Variants in ARHGEF26 observed in about 807,000 individuals in gnomAD.
ARHGEF26 encodes the protein Rho guanine nucleotide exchange factor (GEF) 26.
In ARHGEF26, 59 loss-of-function variants were observed where a neutral mutation model predicts 89.4. That is an observed-to-expected ratio of 0.66 (90% CI 0.54 to 0.82). The LOEUF is 0.82. Among genes scored for constraint, ARHGEF26 ranks in the 40% least tolerant of loss-of-function variants. The pLI, the probability that ARHGEF26 is intolerant of heterozygous loss-of-function variation, is 0.00. For synonymous variants in ARHGEF26, 500 were observed against 428.4 expected (o/e 1.17, Z -2.06); for missense variants, 1,234 against 1,085.6 (o/e 1.14, Z -1.92).
At chr3:154,208,445 G>A (rs748263263) in intron 9 of ARHGEF26, among the ~76,000 whole-genome samples, 2 of 152,052 alleles carry the variant, frequency 1.3e-5, no homozygotes, top group Non-Finnish European at 2.9e-5. Context: ...TTTGCTTGGC[G>A]TTCTGTAACC....
intron 6 of ARHGEF26, among the ~76,000 whole-genome samples, chr3:154,161,155 C>T (rs1711641217): frequency 6.6e-6 from 1 of 150,462 alleles, no homozygotes; most frequent in South Asian, 2.1e-4. Flanking sequence ...TACACTTTGT[C>T]CCTTTTCTGT....
intron 9 of ARHGEF26, among the ~76,000 whole-genome samples, chr3:154,213,811 T>G (rs1171066337): frequency 6.6e-6 from 1 of 152,162 alleles, no homozygotes; most frequent in African/African-American, 2.4e-5. Flanking sequence ...AATTGTTTCT[T>G]TTTTTTAAAA....
rs910802075 is a variant in ARHGEF26 at position 154,256,950 on chromosome 3, A to G, written c.*1477A>G. The stretch of plus-strand genomic sequence containing the variant: ...GATTAAGAGGGGGGAAATGATTTTT[A>G]CTGGCAGCTATATTCCCTCTCTGTT... On this transcript the variant is annotated 3_prime_UTR_variant, in exon 15 of 15. Coordinates refer to ENST00000465093, the MANE Select transcript of ARHGEF26 (RefSeq NM_015595.4). The G allele has an allele frequency of 6.5e-7, 1 of 1,533,534 alleles. No homozygotes were observed. Among genetic ancestry groups the G allele is most frequent in the East Asian group, 2.5e-5 (1 of 40,810 alleles). The allele number at this position is 1,533,534 out of a possible 1,614,324, so 95.0% of individuals were successfully genotyped here.
chr3:154,180,720 CTTA>C (rs1430968739), intron 6 of ARHGEF26, among the ~76,000 whole-genome samples: 3 of 45,854 alleles, frequency 6.5e-5, no homozygotes, highest in Admixed American at 2.5e-4. Context: ...TTCTTATCCT[CTTA>C]TTATCAATCC....
At chr3:154,186,698 G>A (rs565620688) in intron 6 of ARHGEF26, among the ~76,000 whole-genome samples, 189 of 151,940 alleles carry the variant, frequency 1.2e-3, no homozygotes, top group Non-Finnish European at 2.2e-3. Flanking sequence ...GGAGGCAGAA[G>A]TTGCAGTGAG....
chr3:154,130,241 T>C (rs1713854), intron 4 of ARHGEF26, among the ~76,000 whole-genome samples: 136,369 of 149,990 alleles, frequency 0.91, 62,216 homozygotes, highest in East Asian at 1. Flanking sequence ...CCCAGGTTCA[T>C]GTGATTCTCC....
In ARHGEF26 at chr3:154,196,917, A is replaced by C. The variant is rs1249323139; in HGVS notation, c.1845+2199A>C. ...AAAAAAGAATTTGCACAGAGAAAAA[A>C]ATAGGAAGGTACTAGTAGTTGGTTG... On this transcript the variant is annotated intron_variant, in intron 9 of 14. Transcript: ENST00000465093. Among the ~76,000 whole-genome samples, 3 of 152,164 alleles carry C rather than the reference A, an allele frequency of 2.0e-5. No homozygotes were observed. In the East Asian group the frequency reaches 5.8e-4, roughly 29 times the overall value.
chr3:154,168,853 T>G (rs924389853), intron 6 of ARHGEF26, among the ~76,000 whole-genome samples: 4 of 152,088 alleles, frequency 2.6e-5, no homozygotes, highest in Non-Finnish European at 5.9e-5. Flanking sequence ...AAGTTTAAAT[T>G]TAAGCTCCTG....
intron 4 of ARHGEF26, 92 bp from the exon 5 acceptor site, chr3:154,149,297 T>G: frequency 1.2e-6 from 1 of 859,734 alleles, no homozygotes; most frequent in Non-Finnish European, 1.7e-6. Context: ...CTAATTCATT[T>G]TTGAAGGGCA....
At chr3:154,186,841 T>G (rs1713582521) in intron 6 of ARHGEF26, among the ~76,000 whole-genome samples, 1 of 151,796 alleles carries the variant, frequency 6.6e-6, no homozygotes, top group Admixed American at 6.6e-5. Context: ...AATGTGATTG[T>G]TTTTATTTTG....
intron 9 of ARHGEF26, among the ~76,000 whole-genome samples, chr3:154,216,492 A>ATTTTTTTATTTTTTTTTTTTTTTTTT (rs1715740411): frequency 7.8e-6 from 1 of 129,012 alleles, no homozygotes. Context: ...TTTTTTTTTT[A>ATTTTTTTATTTTTTTTTTTTTTTTTT]TTTTTTTTTA....
At chr3:154,208,083 G>T (rs530488125) in intron 9 of ARHGEF26, among the ~76,000 whole-genome samples, 25 of 152,136 alleles carry the variant, frequency 1.6e-4, no homozygotes, top group Non-Finnish European at 3.5e-4. Context: ...CATACACTGG[G>T]GCCTATTGGA....
chr3:154,249,697 G>A (rs1718009681), intron 12 of ARHGEF26, among the ~76,000 whole-genome samples: 1 of 152,174 alleles, frequency 6.6e-6, no homozygotes, highest in Admixed American at 6.5e-5. Context: ...CAAAGTGAAT[G>A]TGGGTAGAGG....
chr3:154,122,474 A>C lies in ARHGEF26; in HGVS notation c.482A>C (p.Asp161Ala). 6.2e-7 allele frequency: 1 copy of C among 1,612,470 alleles called. No homozygotes were observed. Among genetic ancestry groups the C allele is most frequent in the Non-Finnish European group, 8.5e-7 (1 of 1,179,674 alleles). The change falls in exon 2 of 15, where the codon GAC (aspartate) becomes GCC (alanine). Residue 161 changes from aspartate (D) to alanine (A), a missense_variant. Coordinates refer to ENST00000465093, the MANE Select transcript of ARHGEF26 (RefSeq NM_015595.4). ...CCCGCCCCCTGCACCCCCGAGGAGG[A>C]CCTTACTGGGTTGACTGCCAGCCCG... ...NAPAPCTPEE[D>A]LTGLTASPVP... is the part of the protein sequence containing the mutation.
intron 2 of ARHGEF26, among the ~76,000 whole-genome samples, chr3:154,123,587 G>A (rs545511691): frequency 1.3e-5 from 2 of 152,284 alleles, no homozygotes; most frequent in South Asian, 4.1e-4. Context: ...TGTCATTCAG[G>A]TAGAATGTGA....
intron 9 of ARHGEF26, among the ~76,000 whole-genome samples, chr3:154,206,557 G>C (rs969122450): frequency 2.6e-5 from 4 of 152,004 alleles, no homozygotes; most frequent in African/African-American, 7.2e-5. Flanking sequence ...AGCTAACAAG[G>C]GAAGTAAGGA....
chr3:154,216,503 T>TTTTTTTTTTTTTTTTG (rs1715749233), intron 9 of ARHGEF26, among the ~76,000 whole-genome samples: 1 of 46,656 alleles, frequency 2.1e-5, no homozygotes, highest in Non-Finnish European at 4.3e-5. Context: ...TTTTTTTTTA[T>TTTTTTTTTTTTTTTTG]TTTTTATTTT....
intron 10 of ARHGEF26, among the ~76,000 whole-genome samples, chr3:154,223,656 A>G (rs934530856): frequency 6.6e-6 from 1 of 152,210 alleles, no homozygotes; most frequent in Admixed American, 6.5e-5. Flanking sequence ...ATAGAGTTAG[A>G]AAGTAGATTA....
At chr3:154,129,771 A>C in intron 4 of ARHGEF26, 52 bp downstream of exon 4, 1 of 1,551,434 alleles carries the variant, frequency 6.4e-7, no homozygotes, top group Non-Finnish European at 8.7e-7. Context: ...CAAGTTTTGG[A>C]AATTATGTGT....
Sources: gnomAD v4.1 joint callset for allele counts (sites outside exome capture counted in the v4.1 genomes callset) on GRCh38, gnomAD v4.1.1 for gene constraint, MANE v1.5 for transcripts, NCBI Gene and HGNC (gene_info 2026-07-23, HGNC 2026-07-21) for gene names.